The following SOX8 variants were observed in gnomAD, a reference collection of about 807,000 sequenced individuals.
SOX8 encodes the protein SRY-box transcription factor 8, also known as transcription factor SOX-8.
Under a neutral mutation model 22.9 loss-of-function variants are expected in SOX8, and 9 were observed. The ratio of observed to expected loss-of-function variants is 0.39; its 90% CI spans 0.24 to 0.69. SOX8 has a LOEUF of 0.69. Ranked by LOEUF, SOX8 falls within the 30% of genes least tolerant of loss-of-function variation. The pLI is 0.43. For synonymous variants in SOX8, 416 were observed against 330.6 expected (o/e 1.26, Z -2.80); for missense variants, 734 against 699.4 (o/e 1.05, Z -0.56).
At position 986,486 on chromosome 16, in the gene SOX8, C is replaced by T. The variant is rs117303238; in HGVS notation, c.*1100C>T. ...GTGCCATGTGGTAGGACACAGGACA[C>T]AGGAATTCCTGGAAAGTGGTGGCTT... is the stretch of plus-strand genomic sequence containing the variant. On this transcript the variant is annotated 3_prime_UTR_variant, in exon 3 of 3. Coordinates refer to ENST00000293894, the MANE Select transcript of SOX8 (RefSeq NM_014587.5). The T allele has an allele frequency of 0.011, 1,664 of 152,470 alleles. 19 individuals carry two copies. Among genetic ancestry groups the T allele is most frequent in the South Asian group, 0.085 (412 of 4,824 alleles). The allele number at this position is 152,470 out of a possible 1,614,324, so 9.4% of individuals were successfully genotyped here.
chr16:981,834 G>A lies in SOX8; in HGVS notation c.-89G>A. On this transcript the variant is annotated 5_prime_UTR_variant, in exon 1 of 3. Transcript: ENST00000293894. Reference sequence around the variant, plus strand: ...GCGAGGGTCGGGGCCACCGCGCGGCGACCTCGGGTCCCGGAGCGACCGCAG... The same window carrying A: ...GCGAGGGTCGGGGCCACCGCGCGGCAACCTCGGGTCCCGGAGCGACCGCAG... 1.3e-6 allele frequency: 1 copy of A among 793,632 alleles called. No individual in the cohort carries two copies. Among genetic ancestry groups the A allele is most frequent in the South Asian group, 5.7e-5 (1 of 17,424 alleles). 49.2% of individuals were successfully genotyped at this position (793,632 alleles called of 1,614,324 possible).
Position 983,848 on chromosome 16 carries a change from C to T in SOX8, c.543C>T (p.Ala181=), listed in dbSNP as rs1309692158. The change falls in exon 2 of 3, where the codon GCC becomes GCT. Residue 181 remains alanine (A), a synonymous_variant. Transcript: ENST00000293894. ...CACGGCGCAGGAAGAGCGCCAAAGC[C>T]GGCCACAGCGACTCCGACTCGGGCG... ...YQPRRRKSAK[A]GHSDSDSGAE... The T allele has an allele frequency of 1.9e-6, 3 of 1,612,520 alleles. No individual in the cohort carries two copies. The highest frequency in any genetic ancestry group is 1.3e-5 in the African/African-American group (1 of 74,938).
At chr16:984,318 C>G (rs2073435122) in intron 2 of SOX8, among the ~76,000 whole-genome samples, 1 of 152,230 alleles carries the variant, frequency 6.6e-6, no homozygotes, top group Non-Finnish European at 1.5e-5. Flanking sequence ...GGGTGGAGTC[C>G]TGCCGGGGCC....
In SOX8 at chr16:981,932, A is replaced by T; in HGVS notation, c.10A>T (p.Met4Leu). 2.9e-6 allele frequency: 4 copies of T among 1,372,294 alleles called. No homozygotes were observed. Among genetic ancestry groups the T allele is most frequent in the Non-Finnish European group, 3.8e-6 (4 of 1,059,908 alleles). 85.0% of individuals were successfully genotyped at this position (1,372,294 alleles called of 1,614,324 possible). Residue 4 changes from methionine (M) to leucine (L), a missense_variant, in exon 1 of 3, where the codon ATG becomes TTG. Transcript: ENST00000293894. MLDMSEARSQPPCS... is the reference protein window; with the variant it reads MLDLSEARSQPPCS... Reference sequence around the variant, plus strand: ...TCCGCGCGCGGCCCCGATGCTGGACATGAGCGAGGCCCGCTCCCAGCCGCC... The same window carrying T: ...TCCGCGCGCGGCCCCGATGCTGGACTTGAGCGAGGCCCGCTCCCAGCCGCC...
Position 982,017 on chromosome 16 carries a change from C to A in SOX8, c.95C>A (p.Ala32Glu). The stretch of plus-strand genomic sequence containing the variant: ...CACGTGGAGGACTCGGACTCGGACG[C>A]GCCGCCGTCTCCCGCCGGCTCCGAG... ...MSHVEDSDSDAPPSPAGSEGL... is the reference protein window; with the variant it reads ...MSHVEDSDSDEPPSPAGSEGL... The change falls in exon 1 of 3, where the codon GCG becomes GAG. Residue 32 changes from alanine to glutamate, a missense_variant. Coordinates refer to ENST00000293894, the MANE Select transcript of SOX8 (RefSeq NM_014587.5). The A allele has an allele frequency of 7.1e-7, 1 of 1,402,420 alleles. No individual in the cohort carries two copies. The highest frequency in any genetic ancestry group is 3.1e-5 in the East Asian group (1 of 31,836). 86.9% of individuals were successfully genotyped at this position (1,402,420 alleles called of 1,614,324 possible).
chr16:984,357 C>T (rs1010632440), intron 2 of SOX8, among the ~76,000 whole-genome samples: 1 of 152,232 alleles, frequency 6.6e-6, no homozygotes, highest in Non-Finnish European at 1.5e-5. Context: ...GCCCGCCAGC[C>T]TCAGAGTGCT....
In SOX8 at chr16:981,940, G is replaced by T. The variant is rs2073391817; in HGVS notation, c.18G>T (p.Glu6Asp). ...CGGCCCCGATGCTGGACATGAGCGA[G>T]GCCCGCTCCCAGCCGCCCTGCAGCC... Reference protein sequence around the residue: MLDMSEARSQPPCSPS... With the variant: MLDMSDARSQPPCSPS... Residue 6 changes from glutamate (E) to aspartate (D), a missense_variant, in exon 1 of 3, where the codon GAG (glutamate) becomes GAT (aspartate). This residue lies in a region of SOX8 where 139 missense variants were observed against 109.1 expected (regional missense o/e 1.27). Transcript: ENST00000293894. 4 of 1,410,404 alleles carry T rather than the reference G, an allele frequency of 2.8e-6. No homozygotes were observed. Among genetic ancestry groups the T allele is most frequent in the Non-Finnish European group, 3.7e-6 (4 of 1,079,562 alleles). 87.4% of individuals were successfully genotyped at this position (1,410,404 alleles called of 1,614,324 possible).
rs1303332058 is a variant in SOX8, at chr16:983,893, T to C, written c.588T>C (p.Pro196=). 6.2e-7 allele frequency: 1 copy of C among 1,605,810 alleles called. No individual in the cohort carries two copies. Among genetic ancestry groups the C allele is most frequent in the African/African-American group, 1.3e-5 (1 of 74,730 alleles). ...CGGGCGCGGAGCTGGGACCCCACCC[T>C]GGCGGCGGTGCCGTGTACAAGGCTG... ...SDSGAELGPH[P]GGGAVYKAEA... The change falls in exon 2 of 3, where the codon CCT becomes CCC. Residue 196 remains proline (P), a synonymous_variant. Coordinates refer to ENST00000293894, the MANE Select transcript of SOX8 (RefSeq NM_014587.5).
Position 983,710 on chromosome 16 carries a change from C to G in SOX8, c.423-18C>G. 1.9e-6 allele frequency: 3 copies of G among 1,608,552 alleles called. No homozygotes were observed. Among genetic ancestry groups the G allele is most frequent in the South Asian group, 1.1e-5 (1 of 90,460 alleles). Reference sequence around the variant, plus strand: ...CAGTGGGCGCCCTGGCCATCCCTGCCTCTGCCCTGTGCTGCAGCTTGCTGA... The same window carrying G: ...CAGTGGGCGCCCTGGCCATCCCTGCGTCTGCCCTGTGCTGCAGCTTGCTGA... On this transcript the variant is annotated intron_variant, in intron 1 of 2. Coordinates refer to ENST00000293894, the MANE Select transcript of SOX8 (RefSeq NM_014587.5).
intron 1 of SOX8, 47 bp downstream of exon 1, chr16:982,391 C>G: frequency 7.7e-7 from 1 of 1,300,122 alleles, no homozygotes; most frequent in Non-Finnish European, 9.8e-7. Flanking sequence ...TTGGCCGCCC[C>G]TGGTCTCGGA....
rs1377227124 is a variant in SOX8 at position 986,542 on chromosome 16, G to T, written c.*1156G>T. 3.9e-5 allele frequency: 6 copies of T among 152,424 alleles called. No homozygotes were observed. The highest frequency in any genetic ancestry group is 1.2e-4 in the African/African-American group (5 of 41,462). The allele number at this position is 152,424 out of a possible 1,614,324, so 9.4% of individuals were successfully genotyped here. On this transcript the variant is annotated 3_prime_UTR_variant, in exon 3 of 3. Transcript: ENST00000293894. Reference sequence around the variant, plus strand: ...GTGATCTTGGCTCGCAGGCACCAGTGCCACCTACCAAGCTGTGAAACTAAA... The same window carrying T: ...GTGATCTTGGCTCGCAGGCACCAGTTCCACCTACCAAGCTGTGAAACTAAA...
chr16:981,886 C>A lies in SOX8; in HGVS notation c.-37C>A. ...GCAGCCCCGGGCGCCGGCCCCGGTG[C>A]GCGTCTCCTGTGCGCGCCCCTCCGC... On this transcript the variant is annotated 5_prime_UTR_variant, in exon 1 of 3. Transcript: ENST00000293894. 5.2e-6 allele frequency: 6 copies of A among 1,158,236 alleles called. No individual in the cohort carries two copies. The highest frequency in any genetic ancestry group is 6.4e-6 in the Non-Finnish European group (6 of 941,048). 71.7% of individuals were successfully genotyped at this position (1,158,236 alleles called of 1,614,324 possible). A position where few individuals can be genotyped will look rare whatever the true frequency, so the allele number is the denominator to read the frequency against.
intron 1 of SOX8, chr16:983,384 C>G (rs573265490): frequency 1.0e-5 from 2 of 193,598 alleles, no homozygotes; most frequent in Non-Finnish European, 2.1e-5. Flanking sequence ...TGTCCACCGC[C>G]GGCTGGGTCC....
intron 1 of SOX8, chr16:983,076 T>C (rs1181608116): frequency 6.6e-6 from 1 of 152,400 alleles, no homozygotes; most frequent in Non-Finnish European, 1.5e-5. Flanking sequence ...CTGGTTCCCG[T>C]ATCCTGCTCC....
In SOX8 at chr16:985,308, C is replaced by G. The variant is rs777325234; in HGVS notation, c.1263C>G (p.Asn421Lys). 8.7e-6 allele frequency: 14 copies of G among 1,606,886 alleles called. No individual in the cohort carries two copies. The highest frequency in any genetic ancestry group is 1.2e-5 in the Non-Finnish European group (14 of 1,178,848). The change falls in exon 3 of 3, where the codon AAC (asparagine) becomes AAG (lysine). Residue 421 changes from asparagine (N) to lysine (K), a missense_variant. Asn to Lys is a moderately conservative substitution (Grantham distance 94). Around this residue, in one of 3 missense-constraint regions of SOX8, gnomAD observed 588 missense variants for 568.2 expected, o/e 1.03. Coordinates refer to ENST00000293894, the MANE Select transcript of SOX8 (RefSeq NM_014587.5). ...GGCCCTACGCCTCACCCCTGCTCAACGGCCTGGCCCTGCCGCCCGCCCACA... is the reference window on the plus strand; with the variant it reads ...GGCCCTACGCCTCACCCCTGCTCAAGGGCCTGGCCCTGCCGCCCGCCCACA... ...PRRPYASPLL[N>K]GLALPPAHSP...
chr16:982,925 C>T (rs1313841574), intron 1 of SOX8: 1 of 152,468 alleles, frequency 6.6e-6, no homozygotes, highest in East Asian at 1.9e-4. Flanking sequence ...CGGGGTGCGC[C>T]GTGTGCACGC....
intron 1 of SOX8, 147 bp from the exon 2 acceptor site, chr16:983,581 G>A (rs941807916): frequency 6.2e-6 from 4 of 647,336 alleles, no homozygotes; most frequent in South Asian, 2.1e-5. Flanking sequence ...CTGGTGCCAC[G>A]GGAGGCTCCG....
chr16:986,159 G>T lies in SOX8; in HGVS notation c.*773G>T, dbSNP rs977320235. ...AGCTTCCCTTGAGGGCAGGCAGGAG[G>T]TGGAGTTGCAGCTGTTGGCCGGCAT... On this transcript the variant is annotated 3_prime_UTR_variant, in exon 3 of 3. Transcript: ENST00000293894. The T allele has an allele frequency of 1.3e-5, 2 of 152,254 alleles. No individual in the cohort carries two copies. The highest frequency in any genetic ancestry group is 1.5e-5 in the Non-Finnish European group (1 of 68,038). The allele number at this position is 152,254 out of a possible 1,614,324, so 9.4% of individuals were successfully genotyped here.
chr16:981,782 TCGGCGG>T lies in SOX8; in HGVS notation c.-124_-119del, dbSNP rs534559480. On this transcript the variant is annotated 5_prime_UTR_variant, in exon 1 of 3. Transcript: ENST00000293894. ...CGGGTCCCGCAGCGGGACCCGAGCC[TCGGCGG>T]CGGCGGCGGCGGCGGCAGGGGCGAG... The T allele has an allele frequency of 1.2e-4, 29 of 243,568 alleles. No individual in the cohort carries two copies. The highest frequency in any genetic ancestry group is 2.2e-3 in the Middle Eastern group (1 of 454). 15.1% of individuals were successfully genotyped at this position (243,568 alleles called of 1,614,324 possible).
Sources: gnomAD v4.1 joint callset for allele counts (sites outside exome capture counted in the v4.1 genomes callset) on GRCh38, gnomAD v4.1.1 for gene constraint, gnomAD v4.1.1 regional missense constraint, MANE v1.5 for transcripts, NCBI Gene and HGNC (gene_info 2026-07-23, HGNC 2026-07-21) for gene names.